Variants in PNLIPRP3 observed in about 807,000 individuals in gnomAD.
PNLIPRP3 encodes pancreatic lipase related protein 3.
Under a neutral mutation model 52.8 loss-of-function variants are expected in PNLIPRP3, and 58 were observed. The observed-to-expected ratio is 1.10, with a 90% CI of 0.89 to 1.37. The LOEUF (loss-of-function observed/expected upper bound fraction) is 1.37, where lower values mean the gene tolerates loss of function less well. PNLIPRP3 is among the 40% of genes most tolerant of loss of function. PNLIPRP3 has a pLI of 0.00. For synonymous variants in PNLIPRP3, 192 were observed against 185.0 expected (o/e 1.04, Z -0.31); for missense variants, 593 against 561.6 (o/e 1.06, Z -0.57).
At chr10:116,443,317 A>G in intron 3 of PNLIPRP3, 143 bp downstream of exon 3, 1 of 870,202 alleles carries the variant, frequency 1.1e-6, no homozygotes. Flanking sequence ...GCCTCAAATT[A>G]GTTATCCATT....
rs568042186 is a variant in PNLIPRP3 at position 116,477,050 on chromosome 10, C to G, written c.1341-40C>G. The G allele has an allele frequency of 2.6e-5, 38 of 1,482,212 alleles. No homozygotes were observed. The South Asian group carries it at 3.8e-4, about 15-fold the overall frequency. The allele number at this position is 1,482,212 out of a possible 1,614,324, so 91.8% of individuals were successfully genotyped here. Reference sequence around the variant, plus strand: ...ACCGTGTCTTTTTCTTCCCTGGCATCAGGTTAAAATTCCTTTTTTTTTTCC... The same window carrying G: ...ACCGTGTCTTTTTCTTCCCTGGCATGAGGTTAAAATTCCTTTTTTTTTTCC... On this transcript the variant is annotated intron_variant, in intron 11 of 11. Transcript: ENST00000369230.
chr10:116,435,445 C>CAAAA (rs35013184), intron 1 of PNLIPRP3, among the ~76,000 whole-genome samples: 184 of 141,506 alleles, frequency 1.3e-3, no homozygotes, highest in East Asian at 5.4e-3. Flanking sequence ...ATAAATGAGC[C>CAAAA]AAAAAAAAAA....
At position 116,452,920 on chromosome 10, in the gene PNLIPRP3, C is replaced by T. The variant is rs529220980; in HGVS notation, c.457-2802C>T. Among the ~76,000 whole-genome samples, 103 of 152,348 alleles carry T rather than the reference C, an allele frequency of 6.8e-4. 1 individual carries two copies. Among genetic ancestry groups the T allele is most frequent in the Non-Finnish European group, 1.3e-3 (86 of 68,038 alleles). On this transcript the variant is annotated intron_variant, in intron 4 of 11. Transcript: ENST00000369230. The stretch of plus-strand genomic sequence containing the variant: ...TGGGGTTGGAACCCCCACACAGAGT[C>T]CCCACTGGGGAACTGCCTAGTGGAT...
At chr10:116,437,226 G>C (rs192677498) in intron 2 of PNLIPRP3, among the ~76,000 whole-genome samples, 4 of 152,296 alleles carry the variant, frequency 2.6e-5, no homozygotes, top group Non-Finnish European at 4.4e-5. Context: ...TGCAGTGGGA[G>C]AAATGACATG....
rs1458143710 is a variant in PNLIPRP3 at position 116,477,297 on chromosome 10, CT to C, written c.*151del. The C allele has an allele frequency of 4.9e-5, 27 of 549,640 alleles. No homozygotes were observed. The highest frequency in any genetic ancestry group is 3.0e-4 in the South Asian group (10 of 32,854). The allele number at this position is 549,640 out of a possible 1,614,324, so 34.0% of individuals were successfully genotyped here. ...TTACTCAGAGTCAAGTACGGGTTTG[CT>C]TTTTTTCTGTGTAGAATGTTCATCT... On this transcript the variant is annotated 3_prime_UTR_variant, in exon 12 of 12. Coordinates refer to ENST00000369230, the MANE Select transcript of PNLIPRP3 (RefSeq NM_001011709.3).
chr10:116,471,484 T>C (rs1445989499), intron 9 of PNLIPRP3, among the ~76,000 whole-genome samples: 1 of 152,194 alleles, frequency 6.6e-6, no homozygotes, highest in Non-Finnish European at 1.5e-5. Context: ...AGGACTTCCA[T>C]TTTTAAAAGT....
intron 1 of PNLIPRP3, among the ~76,000 whole-genome samples, chr10:116,434,742 T>G (rs911902689): frequency 2.0e-5 from 3 of 152,172 alleles, no homozygotes; most frequent in Non-Finnish European, 4.4e-5. Flanking sequence ...TAAGGGCAAC[T>G]GGGCATTCTA....
chr10:116,470,815 A>C (rs764116999), intron 9 of PNLIPRP3, among the ~76,000 whole-genome samples: 2 of 152,130 alleles, frequency 1.3e-5, no homozygotes, highest in Admixed American at 6.5e-5. Flanking sequence ...GCCCACACCA[A>C]ATATTTTTAT....
In PNLIPRP3 at chr10:116,477,907, A is replaced by G. The variant is rs1846501656; in HGVS notation, c.*754A>G. On this transcript the variant is annotated 3_prime_UTR_variant, in exon 12 of 12. Transcript: ENST00000369230. ...CCTCAAGGCAGCATTTCATTTGTAAAGCACTTGGGTAACCCTTTGTTCTTG... is the reference window on the plus strand; with the variant it reads ...CCTCAAGGCAGCATTTCATTTGTAAGGCACTTGGGTAACCCTTTGTTCTTG... The G allele has an allele frequency of 6.6e-6, 1 of 152,184 alleles. No homozygotes were observed. The highest frequency in any genetic ancestry group is 6.5e-5 in the Admixed American group (1 of 15,280). The allele number at this position is 152,184 out of a possible 1,614,324, so 9.4% of individuals were successfully genotyped here.
chr10:116,427,971 ATC>A lies in PNLIPRP3; in HGVS notation c.-40_-39del. On this transcript the variant is annotated 5_prime_UTR_variant, in exon 1 of 12. Coordinates refer to ENST00000369230, the MANE Select transcript of PNLIPRP3 (RefSeq NM_001011709.3). ...TAGTGAGGTGACTTTACAAGTAAAGATCTTCAAGAAGATTTTTATGTGATTTA... is the reference window on the plus strand; with the variant it reads ...TAGTGAGGTGACTTTACAAGTAAAGATTCAAGAAGATTTTTATGTGATTTA... 1 of 1,494,522 alleles carries A rather than the reference ATC, an allele frequency of 6.7e-7. No homozygotes were observed. Among genetic ancestry groups the A allele is most frequent in the Non-Finnish European group, 9.3e-7 (1 of 1,074,036 alleles). The allele number at this position is 1,494,522 out of a possible 1,614,324, so 92.6% of individuals were successfully genotyped here.
intron 4 of PNLIPRP3, among the ~76,000 whole-genome samples, chr10:116,448,963 C>T (rs1456995280): frequency 6.7e-6 from 1 of 150,300 alleles, no homozygotes; most frequent in African/African-American, 2.5e-5. Context: ...TTGCAGTGAG[C>T]CAAGATAGTG....
At chr10:116,432,321 T>C (rs1044127676) in intron 1 of PNLIPRP3, among the ~76,000 whole-genome samples, 2 of 152,204 alleles carry the variant, frequency 1.3e-5, no homozygotes, top group Non-Finnish European at 2.9e-5. Context: ...AGAACTAATA[T>C]GCCAATTTAC....
intron 5 of PNLIPRP3, among the ~76,000 whole-genome samples, chr10:116,458,762 T>C (rs1846151069): frequency 6.6e-6 from 1 of 152,196 alleles, no homozygotes; most frequent in Non-Finnish European, 1.5e-5. Flanking sequence ...TTCACTTTTT[T>C]TCAGGTCTTG....
At chr10:116,442,704 A>T (rs544939660) in intron 2 of PNLIPRP3, among the ~76,000 whole-genome samples, 1 of 152,170 alleles carries the variant, frequency 6.6e-6, no homozygotes, top group Non-Finnish European at 1.5e-5. Context: ...TCTCTAAAAA[A>T]ATTGTTTAAA....
Position 116,477,273 on chromosome 10 carries a change from T to C in PNLIPRP3, c.*120T>C. 1 of 716,348 alleles carries C rather than the reference T, an allele frequency of 1.4e-6. No homozygotes were observed. Among genetic ancestry groups the C allele is most frequent in the East Asian group, 2.8e-5 (1 of 35,690 alleles). The allele number at this position is 716,348 out of a possible 1,614,324, so 44.4% of individuals were successfully genotyped here. On this transcript the variant is annotated 3_prime_UTR_variant, in exon 12 of 12. Coordinates refer to ENST00000369230, the MANE Select transcript of PNLIPRP3 (RefSeq NM_001011709.3). The stretch of plus-strand genomic sequence containing the variant: ...ATGACTTAGTCATTTACAAGGGTCT[T>C]ACTCAGAGTCAAGTACGGGTTTGCT...
chr10:116,448,261 A>G (rs767213377), intron 4 of PNLIPRP3, among the ~76,000 whole-genome samples: 23 of 152,196 alleles, frequency 1.5e-4, no homozygotes, highest in Non-Finnish European at 2.8e-4. Flanking sequence ...CGTAATTATG[A>G]CATCAATAAC....
intron 5 of PNLIPRP3, 28 bp downstream of exon 5, chr10:116,455,858 AGT>A (rs1333147250): frequency 6.5e-7 from 1 of 1,538,278 alleles, no homozygotes; most frequent in Non-Finnish European, 9.0e-7. Flanking sequence ...TTGGGCCTTG[AGT>A]GTGTTTAAAT....
chr10:116,429,428 G>A (rs1462171677), intron 1 of PNLIPRP3, among the ~76,000 whole-genome samples: 1 of 152,182 alleles, frequency 6.6e-6, no homozygotes, highest in Admixed American at 6.5e-5. Flanking sequence ...GGACATATTA[G>A]TAGTGAGCAA....
At position 116,477,300 on chromosome 10, in the gene PNLIPRP3, T is replaced by C. The variant is rs559199068; in HGVS notation, c.*147T>C. The stretch of plus-strand genomic sequence containing the variant: ...CTCAGAGTCAAGTACGGGTTTGCTT[T>C]TTTTCTGTGTAGAATGTTCATCTAA... On this transcript the variant is annotated 3_prime_UTR_variant, in exon 12 of 12. Transcript: ENST00000369230. 11 of 530,986 alleles carry C rather than the reference T, an allele frequency of 2.1e-5. No individual in the cohort carries two copies. The highest frequency in any genetic ancestry group is 5.9e-5 in the African/African-American group (3 of 50,472). The allele number at this position is 530,986 out of a possible 1,614,324, so 32.9% of individuals were successfully genotyped here.
Sources: gnomAD v4.1 joint callset for allele counts (sites outside exome capture counted in the v4.1 genomes callset) on GRCh38, gnomAD v4.1.1 for gene constraint, MANE v1.5 for transcripts, NCBI Gene and HGNC (gene_info 2026-07-23, HGNC 2026-07-21) for gene names.